The following TTC17 variants were observed in gnomAD, a reference collection of about 807,000 sequenced individuals.
TTC17 encodes tetratricopeptide repeat protein 17.
In TTC17, 58 loss-of-function variants were observed where a neutral mutation model predicts 143.8. That is an observed-to-expected ratio of 0.40 (90% CI 0.33 to 0.50). The LOEUF (loss-of-function observed/expected upper bound fraction) is 0.50, where lower values mean the gene tolerates loss of function less well. Ranked by LOEUF, TTC17 falls within the 20% of genes least tolerant of loss-of-function variation. The pLI is 0.49. For synonymous variants in TTC17, 501 were observed against 497.8 expected (o/e 1.01, Z -0.09); for missense variants, 1,273 against 1,392.5 (o/e 0.91, Z 1.37).
chr11:43,363,041 C>G (rs1046321396), intron 1 of TTC17, among the ~76,000 whole-genome samples: 1 of 152,164 alleles, frequency 6.6e-6, no homozygotes, highest in African/African-American at 2.4e-5. Context: ...TACCTGAAAC[C>G]TAGTAAGCCC....
Position 43,370,795 on chromosome 11 carries a change from GGTTTGTTTGTTT to G in TTC17, c.160-8417_160-8406del, listed in dbSNP as rs67992959. 2.2e-4 allele frequency among the ~76,000 whole-genome samples: 33 copies of G among 150,658 alleles called. No individual in the cohort carries two copies. In the South Asian group the frequency reaches 2.9e-3, roughly 13 times the overall value. On this transcript the variant is annotated intron_variant, in intron 1 of 23. Transcript: ENST00000039989. ...GTCAGATAGTTAAAGAGAGGGGGCA[GGTTTGTTTGTTT>G]GTTTGTTTGTTTGTTTGTTTTAAGA...
rs1396131835 is a variant in TTC17 at position 43,440,537 on chromosome 11, TC to T, written c.2252-2787del. Among the ~76,000 whole-genome samples, 23 of 152,326 alleles carry T rather than the reference TC, an allele frequency of 1.5e-4. No homozygotes were observed. The East Asian group carries it at 4.2e-3, about 28-fold the overall frequency. On this transcript the variant is annotated intron_variant, in intron 16 of 23. Coordinates refer to ENST00000039989, the MANE Select transcript of TTC17 (RefSeq NM_018259.6). ...TTTCCTTGTATACCTCTTTACCCTC[TC>T]TTTTTTAAAGATTCCTTTTCCCTTT...
chr11:43,444,064 C>T lies in TTC17; in HGVS notation c.2520C>T (p.Phe840=). Residue 840 remains phenylalanine, a synonymous_variant, in exon 18 of 24, where the codon TTC becomes TTT. Coordinates refer to ENST00000039989, the MANE Select transcript of TTC17 (RefSeq NM_018259.6). ...ATGTTTCTGTTTCCCAGATTACATT[C>T]CAGGTCAAACGTGTAAAGAAACCCA... ...EDDEATEWIT[F]QVKRVKKPKG... is the part of the protein sequence containing the mutation. The T allele has an allele frequency of 6.2e-7, 1 of 1,602,302 alleles. No individual in the cohort carries two copies. The highest frequency in any genetic ancestry group is 8.5e-7 in the Non-Finnish European group (1 of 1,176,602).
intron 15 of TTC17, among the ~76,000 whole-genome samples, chr11:43,412,618 T>C (rs1341717446): frequency 6.6e-6 from 1 of 152,178 alleles, no homozygotes; most frequent in East Asian, 1.9e-4. Context: ...CATTCCAAAA[T>C]TCAAAACTTT....
rs532597997 is a variant in TTC17, at chr11:43,487,292, C to A, written c.3031-2947C>A. ...TCCTGAGTAGCTGGGATTACACACACCTGCCACCACACCAGGCTAATTTTT... is the reference window on the plus strand; with the variant it reads ...TCCTGAGTAGCTGGGATTACACACAACTGCCACCACACCAGGCTAATTTTT... On this transcript the variant is annotated intron_variant, in intron 21 of 23. Coordinates refer to ENST00000039989, the MANE Select transcript of TTC17 (RefSeq NM_018259.6). Among the ~76,000 whole-genome samples, 5 of 152,182 alleles carry A rather than the reference C, an allele frequency of 3.3e-5. No homozygotes were observed. The East Asian group carries it at 9.7e-4, about 29-fold the overall frequency.
At chr11:43,465,435 AATG>A (rs1947952392) in intron 21 of TTC17, among the ~76,000 whole-genome samples, 1 of 152,226 alleles carries the variant, frequency 6.6e-6, no homozygotes, top group African/African-American at 2.4e-5. Flanking sequence ...TTGAAATAAC[AATG>A]ATAATTGTTC....
intron 21 of TTC17, among the ~76,000 whole-genome samples, chr11:43,485,887 T>TG (rs1385387921): frequency 1.3e-5 from 2 of 148,870 alleles, no homozygotes; most frequent in African/African-American, 2.5e-5. Context: ...TTTTTTGTTT[T>TG]TTTTTTTTTT....
At chr11:43,435,030 TCA>T (rs1947253573) in intron 16 of TTC17, 1 of 150,900 alleles carries the variant, frequency 6.6e-6, no homozygotes, top group African/African-American at 2.5e-5. Flanking sequence ...GTGTTTCCAC[TCA>T]TGTGGAGAGA....
rs931462847 is a variant in TTC17 at position 43,367,668 on chromosome 11, T to A, written c.159+8555T>A. ...AGCAGGGTGTAAGCTAAAACCTGCG[T>A]CTCAGCTGTACTCCTTGATAGCAGA... On this transcript the variant is annotated intron_variant, in intron 1 of 23. Coordinates refer to ENST00000039989, the MANE Select transcript of TTC17 (RefSeq NM_018259.6). Among the ~76,000 whole-genome samples, 14 of 152,140 alleles carry A rather than the reference T, an allele frequency of 9.2e-5. 1 individual carries two copies. The highest frequency in any genetic ancestry group is 3.4e-4 in the African/African-American group (14 of 41,430).
chr11:43,478,387 T>C (rs1274280174), intron 21 of TTC17, among the ~76,000 whole-genome samples: 1 of 152,212 alleles, frequency 6.6e-6, no homozygotes, highest in Non-Finnish European at 1.5e-5. Context: ...AGAATCATTT[T>C]CACTTCTTTA....
At chr11:43,379,482 T>TGTGTGTG (rs376971962) in intron 2 of TTC17, among the ~76,000 whole-genome samples, 160 bp downstream of exon 2, 17 of 151,232 alleles carry the variant, frequency 1.1e-4, no homozygotes, top group African/African-American at 3.9e-4. Context: ...GTGTGTGTGT[T>TGTGTGTG]TTTTCTTTAT....
At chr11:43,433,428 T>C (rs529787544) in intron 16 of TTC17, among the ~76,000 whole-genome samples, 1 of 152,310 alleles carries the variant, frequency 6.6e-6, no homozygotes, top group Non-Finnish European at 1.5e-5. Context: ...AACCTCTTAC[T>C]CTTTTTTTAT....
intron 1 of TTC17, among the ~76,000 whole-genome samples, chr11:43,374,163 T>A (rs748778688): frequency 3.3e-5 from 5 of 152,070 alleles, no homozygotes; most frequent in African/African-American, 4.8e-5. Context: ...CATAAAAAAA[T>A]TTTTGTGGGA....
intron 10 of TTC17, 38 bp downstream of exon 10, chr11:43,401,596 T>A (rs761096260): frequency 1.2e-5 from 17 of 1,397,442 alleles, no homozygotes; most frequent in East Asian, 4.7e-5. Context: ...TATAAACGTT[T>A]GCTTTATAAA....
rs58806758 is a variant in TTC17 at position 43,480,887 on chromosome 11, C to CAA, written c.3031-9339_3031-9338dup. 3.3e-4 allele frequency among the ~76,000 whole-genome samples: 33 copies of CAA among 99,018 alleles called. No homozygotes were observed. In the East Asian group the frequency reaches 5.1e-3, roughly 15 times the overall value. The allele number at this position is 99,018 out of a possible 152,430, so 65.0% of individuals were successfully genotyped here. A position where few individuals can be genotyped will look rare whatever the true frequency, so the allele number is the denominator to read the frequency against. On this transcript the variant is annotated intron_variant, in intron 21 of 23. Transcript: ENST00000039989. ...CAAAAAAAATCAATACAAGAAAATGCAAAAAAAAAAAAAAGCATTCAAGAA... is the reference window on the plus strand; with the variant it reads ...CAAAAAAAATCAATACAAGAAAATGCAAAAAAAAAAAAAAAAGCATTCAAGAA...
chr11:43,409,686 AGGG>A (rs1858313888), intron 15 of TTC17, among the ~76,000 whole-genome samples: 1 of 152,228 alleles, frequency 6.6e-6, no homozygotes, highest in Non-Finnish European at 1.5e-5. Flanking sequence ...TTTTGAACTC[AGGG>A]AGATTGGCCA....
At position 43,490,343 on chromosome 11, in the gene TTC17, G is replaced by T. The variant is rs777870479; in HGVS notation, c.3135G>T (p.Ala1045=). ...IDCLRQALHY[A]PHQMKDVPLI... Reference sequence around the variant, plus strand: ...GCCTCCGCCAGGCTCTGCACTATGCGCCACACCAGATGAAGGTGAGTGGGA... The same window carrying T: ...GCCTCCGCCAGGCTCTGCACTATGCTCCACACCAGATGAAGGTGAGTGGGA... Residue 1045 remains alanine, a synonymous_variant, in exon 22 of 24, where the codon GCG becomes GCT. Coordinates refer to ENST00000039989, the MANE Select transcript of TTC17 (RefSeq NM_018259.6). The T allele has an allele frequency of 1.2e-6, 2 of 1,605,476 alleles. No individual in the cohort carries two copies.
At chr11:43,387,775 G>A (rs994588648) in intron 2 of TTC17, among the ~76,000 whole-genome samples, 10 of 152,206 alleles carry the variant, frequency 6.6e-5, no homozygotes, top group African/African-American at 2.2e-4. Flanking sequence ...AAGTCATGTT[G>A]CCCAAGCCTG....
At chr11:43,491,846 G>A (rs1026957522) in intron 22 of TTC17, 174 bp from the exon 23 acceptor site, 5 of 687,224 alleles carry the variant, frequency 7.3e-6, no homozygotes, top group East Asian at 2.8e-5. Context: ...TTATATTCTG[G>A]TACAAGCACC....
Sources: allele counts gnomAD v4.1 joint callset (sites outside exome capture counted in the v4.1 genomes callset), GRCh38; gene constraint gnomAD v4.1.1; transcripts MANE v1.5; gene names NCBI Gene and HGNC (gene_info 2026-07-23, HGNC 2026-07-21).